The following CLEC7A variants were observed in gnomAD, a reference collection of about 807,000 sequenced individuals.
The protein encoded by CLEC7A is C-type lectin domain family 7 member A.
Under a neutral mutation model 26.9 loss-of-function variants are expected in CLEC7A, and 25 were observed. That is an observed-to-expected ratio of 0.93 (90% CI 0.68 to 1.30). CLEC7A has a LOEUF of 1.30. CLEC7A is among the 50% of genes most tolerant of loss of function. The pLI is 0.00. For missense variants in CLEC7A, 275 were observed against 286.7 expected (o/e 0.96, Z 0.29); for synonymous variants, 100 against 99.5 (o/e 1.01, Z -0.03).
rs11053609 is a variant in CLEC7A at position 10,123,383 on chromosome 12, A to G, written c.493-20T>C. 0.021 allele frequency: 26,734 copies of G among 1,260,478 alleles called. 1,422 individuals carry two copies. Among genetic ancestry groups the G allele is most frequent in the African/African-American group, 0.16 (11,083 of 67,442 alleles). 78.1% of individuals were successfully genotyped at this position (1,260,478 alleles called of 1,614,324 possible). Reference sequence around the variant, plus strand: ...AAATCCCTGTAATGAAACATATACAAATATATAATAAAGAGAGAGAGAGAG... The same window carrying G: ...AAATCCCTGTAATGAAACATATACAGATATATAATAAAGAGAGAGAGAGAG... On this transcript the variant is annotated intron_variant, in intron 4 of 5. Coordinates refer to ENST00000304084, the MANE Select transcript of CLEC7A (RefSeq NM_197947.3).
chr12:10,118,089 GC>G lies in CLEC7A; in HGVS notation c.*368del. On this transcript the variant is annotated 3_prime_UTR_variant, in exon 6 of 6. Coordinates refer to ENST00000304084, the MANE Select transcript of CLEC7A (RefSeq NM_197947.3). ...ATGGTGGCATGCACCTGTAGTCCCA[GC>G]TACTTGAGGGGCTGAGGCGAGAGAT... The G allele has an allele frequency of 5.1e-6, 1 of 194,898 alleles. No homozygotes were observed. The highest frequency in any genetic ancestry group is 8.0e-5 in the South Asian group (1 of 12,440). The allele number at this position is 194,898 out of a possible 1,614,324, so 12.1% of individuals were successfully genotyped here. A position where few individuals can be genotyped will look rare whatever the true frequency, so the allele number is the denominator to read the frequency against.
intron 2 of CLEC7A, 198 bp downstream of exon 2, chr12:10,127,549 G>C (rs556910707): frequency 8.3e-7 from 1 of 1,200,988 alleles, no homozygotes; most frequent in African/African-American, 1.5e-5. Flanking sequence ...TATAACCCTG[G>C]AAAGGTAAAA....
At chr12:10,128,943 T>G (rs1031319249) in intron 1 of CLEC7A, among the ~76,000 whole-genome samples, 9 of 152,220 alleles carry the variant, frequency 5.9e-5, no homozygotes, top group Admixed American at 5.9e-4. Flanking sequence ...AATAGGGAAC[T>G]AATTTTGTAT....
intron 1 of CLEC7A, among the ~76,000 whole-genome samples, chr12:10,128,968 C>G (rs1254321432): frequency 3.9e-5 from 6 of 152,160 alleles, no homozygotes; most frequent in African/African-American, 1.2e-4. Flanking sequence ...ATTGCCATAA[C>G]CAGAATGTAT....
At chr12:10,119,258 T>A (rs1166914673) in intron 5 of CLEC7A, among the ~76,000 whole-genome samples, 1 of 152,208 alleles carries the variant, frequency 6.6e-6, no homozygotes. Flanking sequence ...GACTTGGCAC[T>A]CTTTGTCCTG....
chr12:10,122,854 C>T (rs1948138342), intron 5 of CLEC7A, among the ~76,000 whole-genome samples: 1 of 152,130 alleles, frequency 6.6e-6, no homozygotes. Flanking sequence ...GACTTATCCC[C>T]AGTGTCACAC....
In CLEC7A at chr12:10,123,337, G is replaced by A. The variant is rs1199964497; in HGVS notation, c.519C>T (p.Ser173=). The change falls in exon 5 of 6, where the codon TCC becomes TCT. Residue 173 remains serine (S), a synonymous_variant. Coordinates refer to ENST00000304084, the MANE Select transcript of CLEC7A (RefSeq NM_197947.3). The part of the protein sequence containing the change: ...ELGFIVKQVS[S]QPDNSFWIGL... ...CTATCCAAAATGAATTATCAGGTTG[G>A]GAAGACACTTGTTTTACTATAAATC... is the stretch of plus-strand genomic sequence containing the variant. 1.2e-6 allele frequency: 2 copies of A among 1,609,682 alleles called. No individual in the cohort carries two copies. The highest frequency in any genetic ancestry group is 4.5e-5 in the East Asian group (2 of 44,854).
At chr12:10,120,561 C>G (rs891794814) in intron 5 of CLEC7A, among the ~76,000 whole-genome samples, 1 of 150,852 alleles carries the variant, frequency 6.6e-6, no homozygotes, top group African/African-American at 2.4e-5. Context: ...CTGCATAAAT[C>G]TGTGCGCCAC....
chr12:10,118,705 T>A (rs1296300917), intron 5 of CLEC7A, 115 bp from the exon 6 acceptor site: 1 of 875,738 alleles, frequency 1.1e-6, no homozygotes, highest in African/African-American at 1.7e-5. Context: ...AGTGTTTCTA[T>A]TATTGGAAAA....
chr12:10,126,423 A>C, intron 3 of CLEC7A, 148 bp downstream of exon 3: 1 of 1,400,140 alleles, frequency 7.1e-7, no homozygotes, highest in Non-Finnish European at 9.3e-7. Flanking sequence ...ACAGGGATAC[A>C]TTACACTAAG....
intron 5 of CLEC7A, among the ~76,000 whole-genome samples, chr12:10,121,066 T>G (rs1948069462): frequency 1.3e-5 from 2 of 150,964 alleles, no homozygotes; most frequent in Non-Finnish European, 3.0e-5. Context: ...TAAAAATAAA[T>G]ACATTAATAT....
chr12:10,123,718 G>A (rs7295512), intron 4 of CLEC7A, among the ~76,000 whole-genome samples: 16,440 of 136,586 alleles, frequency 0.12, 2,284 homozygotes, highest in East Asian at 0.49. Context: ...CCGAGATTGC[G>A]CCACTGCAGT....
chr12:10,126,303 A>C (rs1483003612), intron 3 of CLEC7A: 1 of 983,286 alleles, frequency 1.0e-6, no homozygotes, highest in African/African-American at 1.7e-5. Flanking sequence ...AGATCTAAGC[A>C]CATAGCCAGT....
Position 10,118,420 on chromosome 12 carries a change from T to C in CLEC7A, c.*38A>G. Reference sequence around the variant, plus strand: ...CTGTTCTGTTTTCTGTCCTCCTTACTACCTCACATATTTCTCTCTCCTTCT... The same window carrying C: ...CTGTTCTGTTTTCTGTCCTCCTTACCACCTCACATATTTCTCTCTCCTTCT... On this transcript the variant is annotated 3_prime_UTR_variant, in exon 6 of 6. Transcript: ENST00000304084. 1 of 1,572,070 alleles carries C rather than the reference T, an allele frequency of 6.4e-7. No homozygotes were observed. The highest frequency in any genetic ancestry group is 8.7e-7 in the Non-Finnish European group (1 of 1,144,118).
At chr12:10,119,162 G>A (rs1948000331) in intron 5 of CLEC7A, among the ~76,000 whole-genome samples, 1 of 152,196 alleles carries the variant, frequency 6.6e-6, no homozygotes, top group Admixed American at 6.5e-5. Flanking sequence ...GCATGGTCCT[G>A]TTCAGTTTGG....
chr12:10,123,404 G>GAGAA (rs749653620), intron 4 of CLEC7A, 41 bp from the exon 5 acceptor site: 4 of 1,134,830 alleles, frequency 3.5e-6, no homozygotes, highest in South Asian at 1.3e-5. Context: ...AAGAGAGAGA[G>GAGAA]AGAGAGAGAA....
intron 3 of CLEC7A, among the ~76,000 whole-genome samples, chr12:10,125,790 G>C (rs1328760295): frequency 6.6e-6 from 1 of 152,046 alleles, no homozygotes; most frequent in Non-Finnish European, 1.5e-5. Flanking sequence ...AGTCATTGAG[G>C]TACACAGCAA....
In CLEC7A at chr12:10,125,433, G is replaced by C; in HGVS notation, c.356C>G (p.Pro119Arg). The C allele has an allele frequency of 6.2e-7, 1 of 1,611,624 alleles. No individual in the cohort carries two copies. Among genetic ancestry groups the C allele is most frequent in the Non-Finnish European group, 8.5e-7 (1 of 1,179,450 alleles). ...ATATATAATCCAATTAGGAGGACAA[G>C]GGCTGGAAAGAACCCCTGGAAATAA... ...AVKTTGVLSS[P>R]CPPNWIIYEK... is the part of the protein sequence containing the mutation. The change falls in exon 4 of 6, where the codon CCT becomes CGT. Residue 119 changes from proline to arginine, a missense_variant. Pro to Arg is a moderately radical substitution (Grantham distance 103). Transcript: ENST00000304084.
intron 3 of CLEC7A, 85 bp from the exon 4 acceptor site, chr12:10,125,533 T>G: frequency 8.7e-7 from 1 of 1,143,770 alleles, no homozygotes; most frequent in South Asian, 1.9e-5. Context: ...TAAGGACACT[T>G]ATGAAATAAC....
Sources: gnomAD v4.1 joint callset for allele counts (sites outside exome capture counted in the v4.1 genomes callset) on GRCh38, gnomAD v4.1.1 for gene constraint, MANE v1.5 for transcripts, NCBI Gene and HGNC (gene_info 2026-07-23, HGNC 2026-07-21) for gene names.